The following HPS3 variants were observed in gnomAD, a reference collection of about 807,000 sequenced individuals.
The protein encoded by HPS3 is BLOC-2 complex member HPS3.
HPS3 carries 79 observed loss-of-function variants against 110.9 expected under a neutral mutation model. The observed-to-expected ratio is 0.71, with a 90% confidence interval of 0.59 to 0.86. The LOEUF is 0.86. HPS3 is among the 40% of genes least tolerant of loss of function. The pLI, the probability that HPS3 is intolerant of heterozygous loss-of-function variation, is 0.00. For missense variants in HPS3, 1,197 were observed against 1,206.2 expected (o/e 0.99, Z 0.11); for synonymous variants, 428 against 451.0 (o/e 0.95, Z 0.65).
chr3:149,147,822 A>G (rs1015859074), intron 5 of HPS3, among the ~76,000 whole-genome samples: 4 of 152,218 alleles, frequency 2.6e-5, no homozygotes, highest in African/African-American at 9.6e-5. Flanking sequence ...ATTAGACATT[A>G]GAATAGCAGT....
intron 7 of HPS3, 49 bp from the exon 8 acceptor site, chr3:149,155,058 T>C (rs1241106099): frequency 3.2e-6 from 3 of 931,490 alleles, no homozygotes; most frequent in Non-Finnish European, 5.4e-6. Flanking sequence ...ACAACTACCA[T>C]TTATTAATAA....
At position 149,150,649 on chromosome 3, in the gene HPS3, A is replaced by T. The variant is rs1417397266; in HGVS notation, c.1214A>T (p.Glu405Val). ...TVRCSAAAAR[E>V]EDPYMDTTLK... ...CGGTGCAGTGCGGCGGCAGCTCGTGAGGAGGACCCGTACATGGACACCACC... is the reference window on the plus strand; with the variant it reads ...CGGTGCAGTGCGGCGGCAGCTCGTGTGGAGGACCCGTACATGGACACCACC... Residue 405 changes from glutamate (E) to valine (V), a missense_variant, in exon 6 of 17, where the codon GAG becomes GTG. By Grantham distance (121) the Glu-to-Val change is moderately radical. Coordinates refer to ENST00000296051, the MANE Select transcript of HPS3 (RefSeq NM_032383.5). 6.2e-7 allele frequency: 1 copy of T among 1,614,076 alleles called. No homozygotes were observed. Among genetic ancestry groups the T allele is most frequent in the South Asian group, 1.1e-5 (1 of 91,080 alleles).
intron 7 of HPS3, chr3:149,153,919 G>C (rs1231920888): frequency 2.2e-6 from 1 of 454,234 alleles, no homozygotes; most frequent in Non-Finnish European, 3.9e-6. Flanking sequence ...ATGCTTTTCT[G>C]TGTAATTAAT....
chr3:149,164,654 G>T (rs1433112906), intron 14 of HPS3, among the ~76,000 whole-genome samples: 1 of 152,144 alleles, frequency 6.6e-6, no homozygotes, highest in African/African-American at 2.4e-5. Flanking sequence ...TTCCTATTAA[G>T]AATTCTGAGT....
At chr3:149,144,189 A>C (rs1282549207) in intron 4 of HPS3, among the ~76,000 whole-genome samples, 2 of 150,278 alleles carry the variant, frequency 1.3e-5, no homozygotes, top group Non-Finnish European at 3.0e-5. Context: ...AGCCTGGCCA[A>C]TATGGCGAAA....
At chr3:149,131,293 T>C (rs181030329) in intron 1 of HPS3, among the ~76,000 whole-genome samples, 1 of 152,314 alleles carries the variant, frequency 6.6e-6, no homozygotes, top group African/African-American at 2.4e-5. Flanking sequence ...CATTTCACTT[T>C]GTTGTACTTT....
In HPS3 at chr3:149,163,858, A is replaced by T; in HGVS notation, c.2498A>T (p.His833Leu). 1.9e-6 allele frequency: 3 copies of T among 1,559,094 alleles called. No homozygotes were observed. The highest frequency in any genetic ancestry group is 2.7e-6 in the Non-Finnish European group (3 of 1,129,838). ...TSEDLINACS[H>L]YGLIYPWVHV... is the part of the protein sequence containing the mutation. ...ATGTTTTAGATAAATGCCTGTAGTC[A>T]TTATGGCTTAATTTATCCATGGGTT... The change falls in exon 14 of 17, where the codon CAT (histidine) becomes CTT (leucine). Residue 833 changes from histidine to leucine, a missense_variant. Physicochemically the swap from His to Leu is moderately conservative, Grantham distance 99. Coordinates refer to ENST00000296051, the MANE Select transcript of HPS3 (RefSeq NM_032383.5).
chr3:149,157,563 A>C, intron 9 of HPS3, 32 bp downstream of exon 9: 1 of 1,604,046 alleles, frequency 6.2e-7, no homozygotes, highest in Non-Finnish European at 8.5e-7. Flanking sequence ...CTTGTTACAG[A>C]AGTCATCTTG....
At chr3:149,150,119 A>T (rs1009260810) in intron 5 of HPS3, among the ~76,000 whole-genome samples, 1 of 152,184 alleles carries the variant, frequency 6.6e-6, no homozygotes, top group South Asian at 2.1e-4. Flanking sequence ...GAGTTTGCAT[A>T]GTCTGTGTTG....
rs3732557 is a variant in HPS3, at chr3:149,163,886, C to G, written c.2526C>G (p.His842Gln). The G allele has an allele frequency of 6.3e-7, 1 of 1,579,434 alleles. No individual in the cohort carries two copies. The highest frequency in any genetic ancestry group is 1.7e-5 in the Admixed American group (1 of 59,878). Residue 842 changes from histidine to glutamine, a missense_variant, in exon 14 of 17, where the codon CAC becomes CAG. Transcript: ENST00000296051. ...SHYGLIYPWV[H>Q]VVISSDSLAD... ...ATGGCTTAATTTATCCATGGGTTCA[C>G]GTCGTAATATCATCTGATTCTTTAG...
At position 149,159,287 on chromosome 3, in the gene HPS3, GCA is replaced by G. The variant is rs1039918758; in HGVS notation, c.1872+444_1872+445del. ...TATTAAGGATTATTTTTAGGGCTGG[GCA>G]CAGTGGCTAGTATCTGTAATTCCAA... On this transcript the variant is annotated intron_variant, in intron 10 of 16. Transcript: ENST00000296051. 5.3e-5 allele frequency among the ~76,000 whole-genome samples: 8 copies of G among 152,204 alleles called. 1 individual carries two copies. Among genetic ancestry groups the G allele is most frequent in the African/African-American group, 1.9e-4 (8 of 41,452 alleles).
chr3:149,164,783 G>A lies in HPS3; in HGVS notation c.2589+834G>A, dbSNP rs371594796. On this transcript the variant is annotated intron_variant, in intron 14 of 16. Coordinates refer to ENST00000296051, the MANE Select transcript of HPS3 (RefSeq NM_032383.5). ...TGGGCAGTGCTCACACTGTCCTCCC[G>A]CACAGTTATCATCTTTGTGGCATCC... Among the ~76,000 whole-genome samples the A allele has an allele frequency of 7.2e-4, 109 of 152,244 alleles. 4 individuals are homozygous for A. The South Asian group carries it at 0.013, about 18-fold the overall frequency.
In HPS3 at chr3:149,155,109, C is replaced by G. The variant is rs371551313; in HGVS notation, c.1403C>G (p.Ser468Trp). Residue 468 changes from serine to tryptophan, a missense_variant and splice_region_variant, in exon 8 of 17, where the codon TCG (serine) becomes TGG (tryptophan). By Grantham distance (177) the Ser-to-Trp change is radical. Coordinates refer to ENST00000296051, the MANE Select transcript of HPS3 (RefSeq NM_032383.5). ...ERRQSPKRLLSRKDTSVKIKI... is the reference protein window; with the variant it reads ...ERRQSPKRLLWRKDTSVKIKI... Reference sequence around the variant, plus strand: ...CTTGTCCTTTGTTTTGCTTTTAGTTCGAGAAAAGATACCAGTGTTAAAATC... The same window carrying G: ...CTTGTCCTTTGTTTTGCTTTTAGTTGGAGAAAAGATACCAGTGTTAAAATC... 3.8e-6 allele frequency: 6 copies of G among 1,570,226 alleles called. No homozygotes were observed. Among genetic ancestry groups the G allele is most frequent in the Admixed American group, 1.7e-5 (1 of 59,910 alleles).
chr3:149,169,893 A>T (rs1251175763), intron 16 of HPS3, among the ~76,000 whole-genome samples: 1 of 152,224 alleles, frequency 6.6e-6, no homozygotes, highest in African/African-American at 2.4e-5. Context: ...AATATTTTCT[A>T]GACATGCTGG....
intron 5 of HPS3, among the ~76,000 whole-genome samples, chr3:149,149,111 G>A (rs2681079): frequency 0.21 from 31,741 of 149,528 alleles, 3,604 homozygotes; most frequent in South Asian, 0.3. Context: ...CCACCACCAC[G>A]CCCAGCTAAT....
At chr3:149,142,530 A>G (rs1393550046) in intron 4 of HPS3, among the ~76,000 whole-genome samples, 1 of 152,218 alleles carries the variant, frequency 6.6e-6, no homozygotes, top group Admixed American at 6.5e-5. Context: ...CCAAGAGTCT[A>G]ATGGGCACCA....
Position 149,149,905 on chromosome 3 carries a change from T to C in HPS3, c.1164-694T>C, listed in dbSNP as rs533507122. On this transcript the variant is annotated intron_variant, in intron 5 of 16. Coordinates refer to ENST00000296051, the MANE Select transcript of HPS3 (RefSeq NM_032383.5). ...GTGGAGTCCCTAGGTCCTTTTTGTA[T>C]GCAGAAGCAGCCTGGAGTTGTGGAA... Among the ~76,000 whole-genome samples, 6 of 152,296 alleles carry C rather than the reference T, an allele frequency of 3.9e-5. No individual in the cohort carries two copies. In the South Asian group the frequency reaches 1.2e-3, roughly 32 times the overall value.
intron 1 of HPS3, among the ~76,000 whole-genome samples, chr3:149,134,281 T>C (rs912911199): frequency 6.6e-6 from 1 of 152,232 alleles, no homozygotes; most frequent in Non-Finnish European, 1.5e-5. Flanking sequence ...TAGTTTTCTC[T>C]ACGTCACTCC....
In HPS3 at chr3:149,145,633, A is replaced by G. The variant is rs1576672524; in HGVS notation, c.1163+87A>G. The G allele has an allele frequency of 8.9e-6, 9 of 1,014,002 alleles. No individual in the cohort carries two copies. In the East Asian group the frequency reaches 2.1e-4, roughly 24 times the overall value. 62.8% of individuals were successfully genotyped at this position (1,014,002 alleles called of 1,614,324 possible). A position where few individuals can be genotyped will look rare whatever the true frequency, so the allele number is the denominator to read the frequency against. On this transcript the variant is annotated intron_variant, in intron 5 of 16. Coordinates refer to ENST00000296051, the MANE Select transcript of HPS3 (RefSeq NM_032383.5). ...TCCTAAATCTGTGAGAATTGTGTGA[A>G]CTAGCATAGAGTACTATAAATGCAT... is the stretch of plus-strand genomic sequence containing the variant.
Sources: allele counts gnomAD v4.1 joint callset (sites outside exome capture counted in the v4.1 genomes callset), GRCh38; gene constraint gnomAD v4.1.1; transcripts MANE v1.5; gene names NCBI Gene and HGNC (gene_info 2026-07-23, HGNC 2026-07-21).